The following GABRR2 variants were observed in gnomAD, a reference collection of about 807,000 sequenced individuals.
GABRR2 encodes gamma-aminobutyric acid receptor subunit rho-2.
Under a neutral mutation model 47.0 loss-of-function variants are expected in GABRR2, and 36 were observed. The ratio of observed to expected loss-of-function variants is 0.77; its 90% confidence interval spans 0.59 to 1.01. The LOEUF is 1.01. GABRR2 is among the 50% of genes least tolerant of loss of function. The pLI is 0.00. For missense variants in GABRR2, 587 were observed against 594.6 expected (o/e 0.99, Z 0.13); for synonymous variants, 204 against 227.5 (o/e 0.90, Z 0.93).
chr6:89,293,660 G>A (rs948490642), intron 2 of GABRR2, among the ~76,000 whole-genome samples: 2 of 152,154 alleles, frequency 1.3e-5, no homozygotes, highest in East Asian at 1.9e-4. Flanking sequence ...GTTGGTGCAC[G>A]CCTATAGCCC....
In GABRR2 at chr6:89,260,142, AG is replaced by A. The variant is rs138786736; in HGVS notation, c.1087-2162del. Among the ~76,000 whole-genome samples, 89 of 152,226 alleles carry A rather than the reference AG, an allele frequency of 5.8e-4. 1 individual carries two copies. The highest frequency in any genetic ancestry group is 2.0e-3 in the African/African-American group (85 of 41,550). On this transcript the variant is annotated intron_variant, in intron 8 of 8. Coordinates refer to ENST00000402938, the MANE Select transcript of GABRR2 (RefSeq NM_002043.5). Reference sequence around the variant, plus strand: ...GGCTGGTCTCAAATTCCTGGGTTCAAGGGATCCACCTGCCTTGGCTTCCCAA... The same window carrying A: ...GGCTGGTCTCAAATTCCTGGGTTCAAGGATCCACCTGCCTTGGCTTCCCAA...
intron 1 of GABRR2, chr6:89,302,877 A>G (rs982885528): frequency 1.9e-5 from 24 of 1,241,980 alleles, no homozygotes; most frequent in South Asian, 7.1e-5. Context: ...CAGCAACAGC[A>G]CGGGCATCCA....
At chr6:89,266,352 CA>C (rs959823768) in intron 6 of GABRR2, among the ~76,000 whole-genome samples, 2 of 152,182 alleles carry the variant, frequency 1.3e-5, no homozygotes, top group Non-Finnish European at 2.9e-5. Context: ...ACTTGCTGCT[CA>C]AAAGCATAAG....
In GABRR2 at chr6:89,257,701, A is replaced by G; in HGVS notation, c.1367T>C (p.Phe456Ser). The change falls in exon 9 of 9, where the codon TTC becomes TCC. Residue 456 changes from phenylalanine to serine, a missense_variant. Coordinates refer to ENST00000402938, the MANE Select transcript of GABRR2 (RefSeq NM_002043.5). ...RLIFPASYIF[F>S]NLIYWSVFS Reference sequence around the variant, plus strand: ...AAACACTGACCAATAAATTAAGTTGAAAAATATGTAGGAGGCAGGGAATAT... The same window carrying G: ...AAACACTGACCAATAAATTAAGTTGGAAAATATGTAGGAGGCAGGGAATAT... 6.2e-7 allele frequency: 1 copy of G among 1,613,386 alleles called. No individual in the cohort carries two copies. Among genetic ancestry groups the G allele is most frequent in the Non-Finnish European group, 8.5e-7 (1 of 1,179,604 alleles).
In GABRR2 at chr6:89,254,785, T is replaced by C. The variant is rs1773568138; in HGVS notation, c.*2885A>G. Among the ~76,000 whole-genome samples the C allele has an allele frequency of 1.3e-5, 2 of 152,164 alleles. No individual in the cohort carries two copies. The highest frequency in any genetic ancestry group is 1.3e-4 in the Admixed American group (2 of 15,286). ...CCAATGTTGTCTCCACTTTACCTCT[T>C]TAAATTTCCTACTTTTCTCAAGTAG... On this transcript the variant is annotated 3_prime_UTR_variant, in exon 9 of 9. Coordinates refer to ENST00000402938, the MANE Select transcript of GABRR2 (RefSeq NM_002043.5).
rs1310301589 is a variant in GABRR2, at chr6:89,255,444, G to GA, written c.*2225dup. ...AAGAGTGAAACTCTGTCTCAGAAAA[G>GA]AAAAAAAGGTTTCTAAACAAGTCCA... On this transcript the variant is annotated 3_prime_UTR_variant, in exon 9 of 9. Coordinates refer to ENST00000402938, the MANE Select transcript of GABRR2 (RefSeq NM_002043.5). Among the ~76,000 whole-genome samples, 1 of 151,942 alleles carries GA rather than the reference G, an allele frequency of 6.6e-6. No individual in the cohort carries two copies. The highest frequency in any genetic ancestry group is 1.9e-4 in the East Asian group (1 of 5,176).
chr6:89,308,718 T>G (rs59894047), intron 1 of GABRR2, among the ~76,000 whole-genome samples: 1,549 of 152,278 alleles, frequency 0.01, 23 homozygotes, highest in African/African-American at 0.036. Flanking sequence ...ATTTAGTTCC[T>G]CCCATCAACC....
Position 89,280,247 on chromosome 6 carries a change from T to TATAC in GABRR2, c.221-8526_221-8525insGTAT, listed in dbSNP as rs1554197256. On this transcript the variant is annotated intron_variant, in intron 2 of 8. Transcript: ENST00000402938. ...ATATATATATATATATATATATATA[T>TATAC]ATATATACATACATATACATATACA... 2.8e-3 allele frequency among the ~76,000 whole-genome samples: 288 copies of TATAC among 101,332 alleles called. 6 individuals carry two copies. The highest frequency in any genetic ancestry group is 0.017 in the East Asian group (53 of 3,032). The allele number at this position is 101,332 out of a possible 152,430, so 66.5% of individuals were successfully genotyped here.
chr6:89,299,638 T>C (rs1312721749), intron 2 of GABRR2, 121 bp downstream of exon 2: 1 of 668,480 alleles, frequency 1.5e-6, no homozygotes, highest in Non-Finnish European at 2.7e-6. Context: ...GGAGTCAGAT[T>C]TATGTGAGTG....
At chr6:89,303,062 G>A (rs1336273215) in intron 1 of GABRR2, 13 of 925,162 alleles carry the variant, frequency 1.4e-5, no homozygotes, top group Non-Finnish European at 2.1e-5. Context: ...CAGGAGGAGG[G>A]TGAGATGTTC....
chr6:89,280,383 G>A (rs564479601), intron 2 of GABRR2, among the ~76,000 whole-genome samples: 14 of 151,916 alleles, frequency 9.2e-5, no homozygotes, highest in Non-Finnish European at 1.8e-4. Context: ...AGCACTCACA[G>A]AGCAGACAGT....
At chr6:89,297,424 T>C (rs1428480176) in intron 2 of GABRR2, among the ~76,000 whole-genome samples, 1 of 152,166 alleles carries the variant, frequency 6.6e-6, no homozygotes, top group Admixed American at 6.5e-5. Flanking sequence ...ACTTCACCTC[T>C]CTGTGCCTCA....
chr6:89,279,391 A>T (rs1401340798), intron 2 of GABRR2, among the ~76,000 whole-genome samples: 1 of 152,066 alleles, frequency 6.6e-6, no homozygotes, highest in African/African-American at 2.4e-5. Context: ...GTGTGTGTGC[A>T]TGCATGCGGG....
chr6:89,295,063 C>A (rs1443943326), intron 2 of GABRR2, among the ~76,000 whole-genome samples: 1 of 151,940 alleles, frequency 6.6e-6, no homozygotes, highest in African/African-American at 2.4e-5. Context: ...GGGTTGGTTC[C>A]AAGTCTTTGC....
At chr6:89,288,544 A>C (rs1009989976) in intron 2 of GABRR2, among the ~76,000 whole-genome samples, 1 of 152,228 alleles carries the variant, frequency 6.6e-6, no homozygotes. Flanking sequence ...GAGCCCGGTC[A>C]ATCCAATTTG....
At chr6:89,291,831 A>T (rs1392463846) in intron 2 of GABRR2, among the ~76,000 whole-genome samples, 1 of 152,200 alleles carries the variant, frequency 6.6e-6, no homozygotes, top group Non-Finnish European at 1.5e-5. Context: ...TAATGTGAAA[A>T]GAGTTCCAAT....
chr6:89,308,536 G>T (rs1217732690), intron 1 of GABRR2, among the ~76,000 whole-genome samples: 1 of 151,858 alleles, frequency 6.6e-6, no homozygotes, highest in Admixed American at 6.6e-5. Context: ...TTATTGTTTG[G>T]TGCTAATATA....
At chr6:89,303,733 A>G (rs887142949) in intron 1 of GABRR2, among the ~76,000 whole-genome samples, 1 of 152,054 alleles carries the variant, frequency 6.6e-6, no homozygotes, top group African/African-American at 2.4e-5. Flanking sequence ...GGTAACCAAA[A>G]CAGCATGGTA....
chr6:89,275,879 TAA>T (rs1774149961), intron 2 of GABRR2, among the ~76,000 whole-genome samples: 1 of 152,076 alleles, frequency 6.6e-6, no homozygotes. Context: ...GTTCGCAGCT[TAA>T]ATTATGTCAG....
Sources: allele counts gnomAD v4.1 joint callset (sites outside exome capture counted in the v4.1 genomes callset), GRCh38; gene constraint gnomAD v4.1.1; transcripts MANE v1.5; gene names NCBI Gene and HGNC (gene_info 2026-07-23, HGNC 2026-07-21).